CSMD3: variants seen among roughly 807,000 people sequenced by gnomAD.
CSMD3 encodes the protein CUB and Sushi multiple domains 3.
Under a neutral mutation model 435.2 loss-of-function variants are expected in CSMD3, and 177 were observed. The observed-to-expected ratio is 0.41, with a 90% CI of 0.36 to 0.46. CSMD3 has a LOEUF of 0.46. CSMD3 is among the 20% of genes least tolerant of loss of function. The pLI is 0.34. For missense variants in CSMD3, 4,265 were observed against 4,504.6 expected, an observed-to-expected ratio of 0.95 and a Z score of 1.52; for synonymous variants, 1,656 against 1,520.5, an observed-to-expected ratio of 1.09 and a Z score of -2.07.
At chr8:112,674,230 T>C (rs569054139) in intron 16 of CSMD3, among the ~76,000 whole-genome samples, 3 of 152,262 alleles carry the variant, frequency 2.0e-5, no homozygotes, top group African/African-American at 4.8e-5. Flanking sequence ...GTATTATCAC[T>C]TATTTTATAT....
rs576855486 is a variant in CSMD3 at position 112,248,797 on chromosome 8, GACA to G, written c.10111-1669_10111-1667del. Among the ~76,000 whole-genome samples the G allele has an allele frequency of 2.6e-5, 4 of 152,124 alleles. No individual in the cohort carries two copies. The South Asian group carries it at 8.3e-4, about 32-fold the overall frequency. ...TACTAAATTCCAAAATTCTTTATCT[GACA>G]ACAACCTTTTTTCTTTATGTTATCT... On this transcript the variant is annotated intron_variant, in intron 63 of 70. Transcript: ENST00000297405.
At chr8:113,135,389 C>T (rs1450951950) in intron 4 of CSMD3, among the ~76,000 whole-genome samples, 1 of 151,714 alleles carries the variant, frequency 6.6e-6, no homozygotes. Context: ...TCCAGTTGTT[C>T]CTTTAGCCTA....
At chr8:113,207,610 T>C (rs899069441) in intron 3 of CSMD3, among the ~76,000 whole-genome samples, 1 of 152,108 alleles carries the variant, frequency 6.6e-6, no homozygotes, top group East Asian at 1.9e-4. Context: ...CTCAAACTCC[T>C]GACCTCAGAT....
intron 1 of CSMD3, among the ~76,000 whole-genome samples, chr8:113,380,602 A>C (rs1041120279): frequency 6.6e-6 from 1 of 152,184 alleles, no homozygotes; most frequent in African/African-American, 2.4e-5. Flanking sequence ...CATCAACCAC[A>C]ATTTACTAAC....
intron 13 of CSMD3, among the ~76,000 whole-genome samples, chr8:112,708,428 G>T (rs1243593754): frequency 2.0e-5 from 3 of 152,034 alleles, no homozygotes; most frequent in Non-Finnish European, 4.4e-5. Context: ...TTAAATCTAT[G>T]AGAAGAGCAG....
At chr8:112,520,081 G>A (rs141310242) in intron 27 of CSMD3, among the ~76,000 whole-genome samples, 5 of 151,928 alleles carry the variant, frequency 3.3e-5, no homozygotes, top group African/African-American at 9.6e-5. Context: ...TATTTGCACC[G>A]ATGTCAACAT....
chr8:112,509,247 A>G (rs1426382255), intron 28 of CSMD3, among the ~76,000 whole-genome samples: 1 of 152,042 alleles, frequency 6.6e-6, no homozygotes, highest in Non-Finnish European at 1.5e-5. Context: ...GTGCTGCCAC[A>G]TGCAGCTAAT....
At chr8:112,962,642 G>T (rs1037601645) in intron 7 of CSMD3, among the ~76,000 whole-genome samples, 1 of 151,862 alleles carries the variant, frequency 6.6e-6, no homozygotes, top group Non-Finnish European at 1.5e-5. Flanking sequence ...AAATTCACTA[G>T]AAATATTAAT....
chr8:113,082,130 A>G (rs553644633), intron 5 of CSMD3, among the ~76,000 whole-genome samples: 1 of 152,216 alleles, frequency 6.6e-6, no homozygotes, highest in East Asian at 1.9e-4. Context: ...CAGGGGCCCA[A>G]GGACTGCTCT....
rs531087497 is a variant in CSMD3, at chr8:113,413,152, A to G, written c.178+23525T>C. Among the ~76,000 whole-genome samples the G allele has an allele frequency of 3.9e-5, 6 of 152,286 alleles. No homozygotes were observed. The East Asian group carries it at 9.6e-4, about 24-fold the overall frequency. ...TTTAATGATACTACAATAACTTTCC[A>G]TTATATAGCAAGGTCACTGGCTTGA... On this transcript the variant is annotated intron_variant, in intron 1 of 70. Transcript: ENST00000297405.
chr8:113,425,632 T>A (rs2094631953), intron 1 of CSMD3, among the ~76,000 whole-genome samples: 2 of 151,440 alleles, frequency 1.3e-5, no homozygotes, highest in Non-Finnish European at 3.0e-5. Context: ...TTCTAGCACT[T>A]TTCTAGAAAA....
intron 13 of CSMD3, among the ~76,000 whole-genome samples, chr8:112,736,763 T>C (rs1254042466): frequency 6.6e-6 from 1 of 151,982 alleles, no homozygotes; most frequent in African/African-American, 2.4e-5. Flanking sequence ...TGCTAGACTG[T>C]AATAAATCCT....
chr8:112,879,898 C>T (rs1004378586), intron 10 of CSMD3, among the ~76,000 whole-genome samples: 1 of 151,852 alleles, frequency 6.6e-6, no homozygotes, highest in African/African-American at 2.4e-5. Context: ...GGAAGGGGAA[C>T]ATCACACACC....
At chr8:112,638,449 T>C (rs1407370278) in intron 21 of CSMD3, among the ~76,000 whole-genome samples, 1 of 151,132 alleles carries the variant, frequency 6.6e-6, no homozygotes, top group Non-Finnish European at 1.5e-5. Context: ...GAAATGTAAT[T>C]ATTGTACTTC....
intron 22 of CSMD3, among the ~76,000 whole-genome samples, chr8:112,632,764 T>C (rs565545946): frequency 4.1e-4 from 62 of 152,118 alleles, no homozygotes; most frequent in African/African-American, 1.5e-3. Flanking sequence ...AAAAGGAAAG[T>C]GTTTCTTATT....
rs573912607 is a variant in CSMD3 at position 113,241,962 on chromosome 8, C to T, written c.514+36630G>A. 5.7e-3 allele frequency among the ~76,000 whole-genome samples: 858 copies of T among 150,074 alleles called. 11 individuals are homozygous for T. Among genetic ancestry groups the T allele is most frequent in the African/African-American group, 0.019 (790 of 41,138 alleles). On this transcript the variant is annotated intron_variant, in intron 3 of 70. Coordinates refer to ENST00000297405, the MANE Select transcript of CSMD3 (RefSeq NM_198123.2). ...TAAAAAATTACTATATATATATATA[C>T]ACACACAATTTTAGACAGGTTTTAT...
chr8:112,396,011 T>G (rs1014369900), intron 35 of CSMD3, among the ~76,000 whole-genome samples: 4 of 152,224 alleles, frequency 2.6e-5, no homozygotes, highest in Admixed American at 2.6e-4. Flanking sequence ...AATCTTCTAA[T>G]TTAGTATTTG....
chr8:112,639,008 T>C (rs1182910876), intron 20 of CSMD3, 97 bp from the exon 21 acceptor site: 6 of 801,386 alleles, frequency 7.5e-6, no homozygotes, highest in South Asian at 4.6e-5. Flanking sequence ...TTACTTATAA[T>C]TAAATTTTCT....
chr8:113,135,121 C>T (rs1387225385), intron 4 of CSMD3, among the ~76,000 whole-genome samples: 2 of 151,940 alleles, frequency 1.3e-5, no homozygotes, highest in African/African-American at 4.8e-5. Flanking sequence ...TAGGTAAGAA[C>T]ATTGAAACCA....
Sources: gnomAD v4.1 joint callset for allele counts (sites outside exome capture counted in the v4.1 genomes callset) on GRCh38, gnomAD v4.1.1 for gene constraint, MANE v1.5 for transcripts, NCBI Gene and HGNC (gene_info 2026-07-23, HGNC 2026-07-21) for gene names.